EPB41L3: variants seen among roughly 807,000 people sequenced by gnomAD.
EPB41L3 encodes erythrocyte membrane protein band 4.1 like 3.
Under a neutral mutation model 127.1 loss-of-function variants are expected in EPB41L3, and 57 were observed. The observed-to-expected ratio is 0.45, with a 90% CI of 0.36 to 0.56. EPB41L3 has a LOEUF of 0.56. Among genes scored for constraint, EPB41L3 ranks in the 20% least tolerant of loss-of-function variants. The probability of loss-of-function intolerance (pLI) is 0.00; values close to 1 mark genes in which losing one functional copy is unlikely to be tolerated. For synonymous variants in EPB41L3, 572 were observed against 549.5 expected, an observed-to-expected ratio of 1.04 and a Z score of -0.57; for missense variants, 1,273 against 1,372.2, an observed-to-expected ratio of 0.93 and a Z score of 1.14.
At chr18:5,575,118 T>G (rs1568596268) in intron 3 of EPB41L3, among the ~76,000 whole-genome samples, 1 of 152,194 alleles carries the variant, frequency 6.6e-6, no homozygotes, top group Non-Finnish European at 1.5e-5. Flanking sequence ...GGGAGGGTGG[T>G]TCTCAGCCAT....
chr18:5,526,515 T>C (rs1195392192), intron 1 of EPB41L3, among the ~76,000 whole-genome samples: 1 of 152,168 alleles, frequency 6.6e-6, no homozygotes, highest in Non-Finnish European at 1.5e-5. Flanking sequence ...AATTTAAAAA[T>C]GAAGAGAGAC....
At position 5,478,266 on chromosome 18, in the gene EPB41L3, C is replaced by T. The variant is rs746452001; in HGVS notation, c.356G>A (p.Gly119Glu). The T allele has an allele frequency of 1.2e-6, 2 of 1,613,986 alleles. No individual in the cohort carries two copies. The highest frequency in any genetic ancestry group is 1.7e-6 in the Non-Finnish European group (2 of 1,179,996). The change falls in exon 3 of 23, where the codon GGA (glycine) becomes GAA (glutamate). Residue 119 changes from glycine (G) to glutamate (E), a missense_variant. Gly to Glu is a moderately conservative substitution (Grantham distance 98). Around this residue, in one of 3 missense-constraint regions of EPB41L3, gnomAD observed 326 missense variants for 440.2 expected, o/e 0.74. Coordinates refer to ENST00000341928, the MANE Select transcript of EPB41L3 (RefSeq NM_012307.5). ...SMQCKVILLDGSEYTCDVEKR... is the reference protein window; with the variant it reads ...SMQCKVILLDESEYTCDVEKR... ...CTCTACATCACAGGTATATTCTGAT[C>T]CATCGAGAAGTATCACTTTGCACTG...
intron 3 of EPB41L3, among the ~76,000 whole-genome samples, chr18:5,551,511 G>A (rs1357727604): frequency 6.6e-6 from 1 of 152,078 alleles, no homozygotes; most frequent in Non-Finnish European, 1.5e-5. Flanking sequence ...GATCACTTGA[G>A]CCCAGGAGTT....
chr18:5,467,139 T>C (rs2085141037), intron 3 of EPB41L3, among the ~76,000 whole-genome samples: 1 of 152,238 alleles, frequency 6.6e-6, no homozygotes, highest in South Asian at 2.1e-4. Flanking sequence ...ATAATCATTC[T>C]ATATGAAGGC....
Position 5,416,380 on chromosome 18 carries a change from T to A in EPB41L3, c.1507-2A>T, listed in dbSNP as rs778279169. ...TGAGTCAGTGCCAAGCCCAGGTGACTGATGTGAAAGAGACAGAAAGAGACA... is the reference window on the plus strand; with the variant it reads ...TGAGTCAGTGCCAAGCCCAGGTGACAGATGTGAAAGAGACAGAAAGAGACA... On this transcript the variant is annotated splice_acceptor_variant, in intron 12 of 22. Coordinates refer to ENST00000341928, the MANE Select transcript of EPB41L3 (RefSeq NM_012307.5). LOFTEE classifies it high-confidence loss of function. The A allele has an allele frequency of 1.2e-6, 2 of 1,609,010 alleles. No homozygotes were observed. The highest frequency in any genetic ancestry group is 8.5e-7 in the Non-Finnish European group (1 of 1,177,036).
At chr18:5,512,262 C>T (rs924689455) in intron 1 of EPB41L3, among the ~76,000 whole-genome samples, 3 of 152,104 alleles carry the variant, frequency 2.0e-5, no homozygotes, top group Non-Finnish European at 2.9e-5. Context: ...ATTAAAAAGG[C>T]CTGGATGCTA....
At chr18:5,466,422 G>A (rs2084993420) in intron 3 of EPB41L3, 1 of 152,188 alleles carries the variant, frequency 6.6e-6, no homozygotes, top group African/African-American at 2.4e-5. Flanking sequence ...CGTGTCAGTA[G>A]TTGTATGAAT....
intron 3 of EPB41L3, among the ~76,000 whole-genome samples, chr18:5,585,530 AT>A (rs1232975164): frequency 6.6e-6 from 1 of 152,212 alleles, no homozygotes; most frequent in African/African-American, 2.4e-5. Context: ...CCAACAAGTA[AT>A]TTAAAACAAG....
Position 5,574,064 on chromosome 18 carries a change from C to A in EPB41L3, c.-306+38276G>T, listed in dbSNP as rs142914749. 2.6e-3 allele frequency among the ~76,000 whole-genome samples: 388 copies of A among 152,072 alleles called. 2 individuals carry two copies. The highest frequency in any genetic ancestry group is 3.7e-3 in the Non-Finnish European group (255 of 68,014). ...CAGCTGGGACTACAGGCACGCACCA[C>A]CTTTTAATAATATTAATATTTTCAT... On this transcript the variant is annotated intron_variant, in intron 3 of 21. Transcript: ENST00000545076.
intron 3 of EPB41L3, chr18:5,570,193 C>T (rs867620900): frequency 6.6e-6 from 1 of 152,100 alleles, no homozygotes; most frequent in African/African-American, 2.4e-5. Flanking sequence ...TTTTACCATC[C>T]TCTGTCACCC....
At chr18:5,399,607 C>T (rs1016253870) in intron 16 of EPB41L3, 4 of 372,652 alleles carry the variant, frequency 1.1e-5, no homozygotes, top group African/African-American at 2.1e-5. Context: ...AGAGTTGCAA[C>T]TTCTTTAAAC....
intron 3 of EPB41L3, among the ~76,000 whole-genome samples, chr18:5,603,919 TA>T (rs1161989233): frequency 6.6e-6 from 1 of 152,002 alleles, no homozygotes; most frequent in Non-Finnish European, 1.5e-5. Context: ...GTAAGAAAAG[TA>T]AAAGTTAACA....
intron 3 of EPB41L3, among the ~76,000 whole-genome samples, chr18:5,580,613 TAC>T (rs1362802892): frequency 6.6e-6 from 1 of 152,116 alleles, no homozygotes; most frequent in African/African-American, 2.4e-5. Context: ...CACATATTCA[TAC>T]ACACATATAT....
chr18:5,445,761 T>C (rs2081382502), intron 3 of EPB41L3, among the ~76,000 whole-genome samples: 2 of 152,206 alleles, frequency 1.3e-5, no homozygotes, highest in Non-Finnish European at 2.9e-5. Flanking sequence ...CGAGCAAGCA[T>C]TGCCAACCTG....
At chr18:5,591,290 C>T (rs899741293) in intron 3 of EPB41L3, among the ~76,000 whole-genome samples, 1 of 152,136 alleles carries the variant, frequency 6.6e-6, no homozygotes, top group Non-Finnish European at 1.5e-5. Context: ...AACCTATAAA[C>T]AACAGAAATT....
chr18:5,424,922 A>G (rs1283687154), intron 9 of EPB41L3, among the ~76,000 whole-genome samples: 3 of 152,322 alleles, frequency 2.0e-5, no homozygotes, highest in Admixed American at 2.0e-4. Flanking sequence ...ACGTCTCTCT[A>G]TATCATACGT....
chr18:5,474,159 A>T (rs1599449812), intron 3 of EPB41L3, among the ~76,000 whole-genome samples: 1 of 151,900 alleles, frequency 6.6e-6, no homozygotes, highest in African/African-American at 2.4e-5. Flanking sequence ...TGAACATGGG[A>T]GGCGGAGCTT....
chr18:5,421,106 C>G (rs974506334), intron 11 of EPB41L3, among the ~76,000 whole-genome samples: 1 of 152,154 alleles, frequency 6.6e-6, no homozygotes, highest in Non-Finnish European at 1.5e-5. Flanking sequence ...CTGGCAGGAC[C>G]GCAAGGAGTG....
chr18:5,621,253 G>C (rs1040213719), intron 1 of EPB41L3, among the ~76,000 whole-genome samples: 2 of 152,172 alleles, frequency 1.3e-5, no homozygotes, highest in African/African-American at 4.8e-5. Context: ...AGAGGATTCA[G>C]TTTTGCAAGC....
Sources: gnomAD v4.1 joint callset for allele counts (sites outside exome capture counted in the v4.1 genomes callset) on GRCh38, gnomAD v4.1.1 for gene constraint, gnomAD v4.1.1 regional missense constraint, MANE v1.5 for transcripts, NCBI Gene and HGNC (gene_info 2026-07-23, HGNC 2026-07-21) for gene names.